Variants in TRAF3 observed in about 807,000 individuals in gnomAD.
TRAF3 encodes TNF receptor associated factor 3, also known as TNF receptor-associated factor 3.
A neutral mutation model predicts 62.3 loss-of-function variants in TRAF3; 13 were observed. That is an observed-to-expected ratio of 0.21 (90% confidence interval 0.14 to 0.33). The LOEUF (loss-of-function observed/expected upper bound fraction) is 0.33, where lower values mean the gene tolerates loss of function less well. Ranked by LOEUF, TRAF3 falls within the 10% of genes least tolerant of loss-of-function variation. TRAF3 has a pLI of 1.00. For synonymous variants in TRAF3, 269 were observed against 283.4 expected (o/e 0.95, Z 0.51); for missense variants, 440 against 741.8 (o/e 0.59, Z 4.73).
At chr14:102,886,477 C>T (rs537934424) in intron 7 of TRAF3, among the ~76,000 whole-genome samples, 61 of 152,222 alleles carry the variant, frequency 4.0e-4, no homozygotes, top group Middle Eastern at 3.4e-3. Context: ...AGTGTATGGC[C>T]GGGCACAGTG....
intron 2 of TRAF3, among the ~76,000 whole-genome samples, chr14:102,856,171 T>C: frequency 6.6e-6 from 1 of 151,986 alleles, no homozygotes; most frequent in East Asian, 1.9e-4. Flanking sequence ...TGGTTTTGAT[T>C]TGTATTTTCT....
chr14:102,893,158 G>A (rs1889818286), intron 9 of TRAF3, among the ~76,000 whole-genome samples: 1 of 151,980 alleles, frequency 6.6e-6, no homozygotes, highest in South Asian at 2.1e-4. Flanking sequence ...GGAGGCCGAG[G>A]CTGAGGCTGA....
Position 102,907,785 on chromosome 14 carries a change from T to TCGGGAGTTGA in TRAF3, c.*2003_*2004insGGAGTTGACG. On this transcript the variant is annotated 3_prime_UTR_variant, in exon 12 of 12. Transcript: ENST00000392745. Reference sequence around the variant, plus strand: ...CCCGTGAGGGGCCCGCCGCGCCCTTTCGCGGTCGAAGCGTTCCGTTGTTCT... The same window carrying TCGGGAGTTGA: ...CCCGTGAGGGGCCCGCCGCGCCCTTTCGGGAGTTGACGCGGTCGAAGCGTTCCGTTGTTCT... 1 of 152,558 alleles carries TCGGGAGTTGA rather than the reference T, an allele frequency of 6.6e-6. No individual in the cohort carries two copies. The highest frequency in any genetic ancestry group is 2.1e-4 in the South Asian group (1 of 4,834). The allele number at this position is 152,558 out of a possible 1,614,324, so 9.5% of individuals were successfully genotyped here.
At chr14:102,894,219 C>T (rs908376574) in intron 9 of TRAF3, among the ~76,000 whole-genome samples, 16 of 151,964 alleles carry the variant, frequency 1.1e-4, no homozygotes, top group African/African-American at 9.7e-5. Flanking sequence ...CCCAGCTACT[C>T]GGGAGGCTGA....
At chr14:102,883,016 G>T (rs1889156601) in intron 6 of TRAF3, among the ~76,000 whole-genome samples, 1 of 152,190 alleles carries the variant, frequency 6.6e-6, no homozygotes, top group Non-Finnish European at 1.5e-5. Context: ...GTACAAGTCT[G>T]TAGGTATGAC....
At chr14:102,886,583 C>T (rs367970000) in intron 7 of TRAF3, among the ~76,000 whole-genome samples, 18 of 152,154 alleles carry the variant, frequency 1.2e-4, no homozygotes, top group Middle Eastern at 3.4e-3. Context: ...TGCTGAAACC[C>T]CGTCTCTACT....
At chr14:102,819,470 G>A (rs780288252) in intron 1 of TRAF3, among the ~76,000 whole-genome samples, 8 of 152,198 alleles carry the variant, frequency 5.3e-5, no homozygotes, top group Non-Finnish European at 7.3e-5. Flanking sequence ...AGCTGTGGGC[G>A]AGATGTGTGC....
chr14:102,853,495 C>T (rs993795266), intron 2 of TRAF3, among the ~76,000 whole-genome samples: 2 of 152,070 alleles, frequency 1.3e-5, no homozygotes, highest in East Asian at 1.9e-4. Flanking sequence ...ACAAAATTCA[C>T]CACTTAAACC....
chr14:102,880,544 G>A (rs1028711507), intron 6 of TRAF3, among the ~76,000 whole-genome samples: 3 of 152,236 alleles, frequency 2.0e-5, no homozygotes, highest in African/African-American at 7.2e-5. Flanking sequence ...GTGGAAGACA[G>A]TGTGACGATT....
intron 1 of TRAF3, among the ~76,000 whole-genome samples, chr14:102,790,708 C>G (rs1897743806): frequency 6.6e-6 from 1 of 152,116 alleles, no homozygotes; most frequent in South Asian, 2.1e-4. Flanking sequence ...AGCTACAATT[C>G]AATATGAGAT....
At chr14:102,816,009 T>C (rs1194041008) in intron 1 of TRAF3, among the ~76,000 whole-genome samples, 1 of 152,168 alleles carries the variant, frequency 6.6e-6, no homozygotes, top group Non-Finnish European at 1.5e-5. Context: ...TCTTTCTCCA[T>C]TGAATGGTCT....
At chr14:102,797,436 A>G (rs991336171) in intron 1 of TRAF3, among the ~76,000 whole-genome samples, 1 of 152,138 alleles carries the variant, frequency 6.6e-6, no homozygotes, top group Non-Finnish European at 1.5e-5. Flanking sequence ...GGAAGCGTAG[A>G]GATTATCTGT....
At position 102,909,103 on chromosome 14, in the gene TRAF3, C is replaced by G. The variant is rs1890733951; in HGVS notation, c.*3319C>G. On this transcript the variant is annotated 3_prime_UTR_variant, in exon 12 of 12. Transcript: ENST00000392745. ...TGTGGAAGTGGGGGACCCACGGGGCCTGGCTTTGGGACTAGACATGCCAGC... is the reference window on the plus strand; with the variant it reads ...TGTGGAAGTGGGGGACCCACGGGGCGTGGCTTTGGGACTAGACATGCCAGC... 1 of 152,398 alleles carries G rather than the reference C, an allele frequency of 6.6e-6. No individual in the cohort carries two copies. Among genetic ancestry groups the G allele is most frequent in the African/African-American group, 2.4e-5 (1 of 41,458 alleles). 9.4% of individuals were successfully genotyped at this position (152,398 alleles called of 1,614,324 possible).
At chr14:102,871,395 C>G (rs1045648114) in intron 3 of TRAF3, among the ~76,000 whole-genome samples, 1 of 152,234 alleles carries the variant, frequency 6.6e-6, no homozygotes, top group African/African-American at 2.4e-5. Context: ...GACTACACCT[C>G]TGGGCCCAGG....
chr14:102,863,907 C>T (rs900709508), intron 2 of TRAF3, among the ~76,000 whole-genome samples: 10 of 152,100 alleles, frequency 6.6e-5, no homozygotes, highest in Admixed American at 2.6e-4. Context: ...AGTTCTTTGC[C>T]GATGAGGCCC....
rs74082927 is a variant in TRAF3 at position 102,864,584 on chromosome 14, C to T, written c.-17-5601C>T. Among the ~76,000 whole-genome samples the T allele has an allele frequency of 6.8e-3, 1,033 of 152,176 alleles. 14 individuals are homozygous for T. The highest frequency in any genetic ancestry group is 0.024 in the African/African-American group (976 of 41,506). Reference sequence around the variant, plus strand: ...GGACATATTAAATTATGATCAGTTTCGAGGTTGCCAAATTTACGTACACCT... The same window carrying T: ...GGACATATTAAATTATGATCAGTTTTGAGGTTGCCAAATTTACGTACACCT... On this transcript the variant is annotated intron_variant, in intron 2 of 11. Transcript: ENST00000392745.
chr14:102,872,150 A>G (rs1462409550), intron 4 of TRAF3, among the ~76,000 whole-genome samples, 182 bp downstream of exon 4: 1 of 152,190 alleles, frequency 6.6e-6, no homozygotes, highest in Non-Finnish European at 1.5e-5. Flanking sequence ...ATTCAGATCC[A>G]CTTGGCCACT....
intron 1 of TRAF3, among the ~76,000 whole-genome samples, chr14:102,809,914 T>C (rs1899022201): frequency 6.6e-6 from 1 of 152,140 alleles, no homozygotes; most frequent in Non-Finnish European, 1.5e-5. Context: ...GTTCATCTGA[T>C]TGAAGTTAAA....
rs1158266863 is a variant in TRAF3, at chr14:102,906,682, G to A, written c.*898G>A. 6.6e-6 allele frequency: 1 copy of A among 152,214 alleles called. No individual in the cohort carries two copies. The highest frequency in any genetic ancestry group is 6.5e-5 in the Admixed American group (1 of 15,288). The allele number at this position is 152,214 out of a possible 1,614,324, so 9.4% of individuals were successfully genotyped here. On this transcript the variant is annotated 3_prime_UTR_variant, in exon 12 of 12. Coordinates refer to ENST00000392745, the MANE Select transcript of TRAF3 (RefSeq NM_145725.3). ...AATAGGGCATCCGTTGAACTTTGGA[G>A]TTCTAAACAAAATCCTGTAGGTGTT...
Sources: allele counts gnomAD v4.1 joint callset (sites outside exome capture counted in the v4.1 genomes callset), GRCh38; gene constraint gnomAD v4.1.1; transcripts MANE v1.5; gene names NCBI Gene and HGNC (gene_info 2026-07-23, HGNC 2026-07-21).